UBE2R2: variants seen among roughly 807,000 people sequenced by gnomAD.
UBE2R2 encodes the protein ubiquitin conjugating enzyme E2 R2, also known as ubiquitin-conjugating enzyme E2 R2.
UBE2R2 carries 1 observed loss-of-function variant against 27.8 expected under a neutral mutation model. The ratio of observed to expected loss-of-function variants is 0.04; its 90% CI spans 0.01 to 0.17. The LOEUF (loss-of-function observed/expected upper bound fraction) is 0.17, where lower values mean the gene tolerates loss of function less well. Among genes scored for constraint, UBE2R2 ranks in the 10% least tolerant of loss-of-function variants. The pLI, the probability that UBE2R2 is intolerant of heterozygous loss-of-function variation, is 1.00. For synonymous variants in UBE2R2, 106 were observed against 113.3 expected (o/e 0.94, Z 0.41); for missense variants, 100 against 291.0 (o/e 0.34, Z 4.78).
intron 1 of UBE2R2, among the ~76,000 whole-genome samples, chr9:33,844,515 A>ATTTT (rs34578523): frequency 9.1e-6 from 1 of 110,160 alleles, no homozygotes; most frequent in Non-Finnish European, 1.8e-5. Context: ...TCCCACATCT[A>ATTTT]TTTTTTTTTT....
At chr9:33,906,013 TTGTG>T (rs1171699092) in intron 3 of UBE2R2, among the ~76,000 whole-genome samples, 1 of 152,168 alleles carries the variant, frequency 6.6e-6, no homozygotes, top group Non-Finnish European at 1.5e-5. Context: ...GCGTGTGTGT[TTGTG>T]TGTGTGCACA....
intron 1 of UBE2R2, among the ~76,000 whole-genome samples, chr9:33,881,173 C>T (rs1196734689): frequency 6.6e-6 from 1 of 151,996 alleles, no homozygotes; most frequent in African/African-American, 2.4e-5. Context: ...ATGAAATTAC[C>T]CTCTTTATCT....
intron 1 of UBE2R2, among the ~76,000 whole-genome samples, chr9:33,848,218 TTTC>T (rs1252196523): frequency 1.3e-5 from 2 of 152,190 alleles, no homozygotes; most frequent in East Asian, 3.8e-4. Context: ...TGTGCAATTT[TTTC>T]TTCTATTTTC....
At chr9:33,823,742 G>T (rs975032862) in intron 1 of UBE2R2, among the ~76,000 whole-genome samples, 1 of 152,150 alleles carries the variant, frequency 6.6e-6, no homozygotes, top group Admixed American at 6.6e-5. Context: ...AGAAATTGAA[G>T]AATTTTCTCA....
intron 3 of UBE2R2, among the ~76,000 whole-genome samples, chr9:33,909,466 C>T (rs10971782): frequency 0.08 from 12,197 of 152,154 alleles, 711 homozygotes; most frequent in Non-Finnish European, 0.12. Flanking sequence ...CCAGCCTGGG[C>T]GACGAGTGAA....
chr9:33,864,151 G>A (rs1461704203), intron 1 of UBE2R2, among the ~76,000 whole-genome samples: 1 of 152,034 alleles, frequency 6.6e-6, no homozygotes, highest in African/African-American at 2.4e-5. Flanking sequence ...ATCTGCTGAT[G>A]TTCATATATG....
At chr9:33,916,097 C>G (rs912377755) in intron 4 of UBE2R2, among the ~76,000 whole-genome samples, 7 of 152,184 alleles carry the variant, frequency 4.6e-5, no homozygotes, top group African/African-American at 1.7e-4. Context: ...AATCCCAACA[C>G]TTTGGGAAGC....
intron 1 of UBE2R2, 124 bp from the exon 2 acceptor site, chr9:33,886,757 T>C: frequency 1.3e-6 from 1 of 741,798 alleles, no homozygotes; most frequent in Non-Finnish European, 2.0e-6. Context: ...TCTGAGCTAC[T>C]TTAATCTCAA....
chr9:33,865,385 A>G lies in UBE2R2; in HGVS notation c.178-21496A>G, dbSNP rs191822632. 4.6e-3 allele frequency among the ~76,000 whole-genome samples: 697 copies of G among 150,706 alleles called. 1 individual carries two copies. The highest frequency in any genetic ancestry group is 8.7e-3 in the Non-Finnish European group (587 of 67,704). On this transcript the variant is annotated intron_variant, in intron 1 of 4. Transcript: ENST00000263228. Reference sequence around the variant, plus strand: ...CTAATTTTTGTATTTTTTAGTAGAGACGGGGTTTCACCATATTGGCCAGGC... The same window carrying G: ...CTAATTTTTGTATTTTTTAGTAGAGGCGGGGTTTCACCATATTGGCCAGGC...
At position 33,920,074 on chromosome 9, in the gene UBE2R2, T is replaced by TAAGA. The variant is rs1373358041; in HGVS notation, c.*2840_*2843dup. 3 of 152,704 alleles carry TAAGA rather than the reference T, an allele frequency of 2.0e-5. No individual in the cohort carries two copies. The South Asian group carries it at 6.2e-4, about 32-fold the overall frequency. 9.5% of individuals were successfully genotyped at this position (152,704 alleles called of 1,614,324 possible). On this transcript the variant is annotated 3_prime_UTR_variant, in exon 5 of 5. Transcript: ENST00000263228. ...TTCCTTACGTTTGGGGCACATGTTG[T>TAAGA]AAGAAACTGATTGGAAGGGGAAATG...
intron 1 of UBE2R2, among the ~76,000 whole-genome samples, chr9:33,837,268 G>T (rs1306289146): frequency 6.6e-6 from 1 of 151,822 alleles, no homozygotes; most frequent in Admixed American, 6.6e-5. Context: ...GCTTAGGCTG[G>T]AGTGCAGGGG....
intron 1 of UBE2R2, among the ~76,000 whole-genome samples, chr9:33,882,223 G>A (rs1369176976): frequency 6.6e-6 from 1 of 152,058 alleles, no homozygotes; most frequent in African/African-American, 2.4e-5. Context: ...TCCTGCCACA[G>A]ATCTAGAATC....
intron 2 of UBE2R2, 99 bp downstream of exon 2, chr9:33,887,066 G>T (rs1230684398): frequency 1.8e-4 from 165 of 935,518 alleles, no homozygotes; most frequent in African/African-American, 1.7e-5. Context: ...TTAGGCTTTT[G>T]TAGCCATAGA....
intron 1 of UBE2R2, among the ~76,000 whole-genome samples, chr9:33,846,512 C>T: frequency 6.6e-6 from 1 of 152,082 alleles, no homozygotes; most frequent in African/African-American, 2.4e-5. Flanking sequence ...TTCTCTCTCT[C>T]TCTCTTTTTT....
At chr9:33,898,506 A>G (rs1822173876) in intron 2 of UBE2R2, among the ~76,000 whole-genome samples, 2 of 152,116 alleles carry the variant, frequency 1.3e-5, no homozygotes, top group Admixed American at 6.5e-5. Flanking sequence ...TAATGGTTAC[A>G]TATATATTCA....
chr9:33,851,323 A>G (rs1820962596), intron 1 of UBE2R2, among the ~76,000 whole-genome samples: 1 of 152,236 alleles, frequency 6.6e-6, no homozygotes, highest in African/African-American at 2.4e-5. Context: ...CCACATCATT[A>G]TAATTATTAT....
At chr9:33,897,572 C>T (rs1004282026) in intron 2 of UBE2R2, among the ~76,000 whole-genome samples, 7 of 151,856 alleles carry the variant, frequency 4.6e-5, no homozygotes, top group African/African-American at 1.7e-4. Flanking sequence ...CCTGCCTCGG[C>T]CTCCCAAAGT....
At position 33,827,694 on chromosome 9, in the gene UBE2R2, G is replaced by A. The variant is rs187813475; in HGVS notation, c.177+9760G>A. Among the ~76,000 whole-genome samples the A allele has an allele frequency of 1.3e-4, 20 of 151,838 alleles. No homozygotes were observed. The East Asian group carries it at 3.1e-3, about 24-fold the overall frequency. Reference sequence around the variant, plus strand: ...TTAAATTAAAAATTAAATCAGGCTCGGCGTGGTGACCCATGCCTGTAATCC... The same window carrying A: ...TTAAATTAAAAATTAAATCAGGCTCAGCGTGGTGACCCATGCCTGTAATCC... On this transcript the variant is annotated intron_variant, in intron 1 of 4. Coordinates refer to ENST00000263228, the MANE Select transcript of UBE2R2 (RefSeq NM_017811.4).
intron 2 of UBE2R2, among the ~76,000 whole-genome samples, chr9:33,887,393 A>G (rs550119163): frequency 6.0e-4 from 91 of 152,286 alleles, no homozygotes; most frequent in African/African-American, 1.9e-3. Flanking sequence ...TTACATTTGG[A>G]CTGGCCTCCT....
Sources: gnomAD v4.1 joint callset for allele counts (sites outside exome capture counted in the v4.1 genomes callset) on GRCh38, gnomAD v4.1.1 for gene constraint, MANE v1.5 for transcripts, NCBI Gene and HGNC (gene_info 2026-07-23, HGNC 2026-07-21) for gene names.